UMAD1: variants seen among roughly 807,000 people sequenced by gnomAD.
UMAD1 encodes UBAP1-MVB12-associated (UMA) domain containing 1.
UMAD1 carries 8 observed loss-of-function variants against 6.1 expected under a neutral mutation model. The ratio of observed to expected loss-of-function variants is 1.30; its 90% confidence interval spans 0.76 to 2.35. The LOEUF (loss-of-function observed/expected upper bound fraction) is 2.35, where lower values mean the gene tolerates loss of function less well. Among genes scored for constraint, UMAD1 ranks in the 30% most tolerant of loss-of-function variants. The pLI is 0.00. For missense variants in UMAD1, 130 were observed against 78.4 expected, an observed-to-expected ratio of 1.66 and a Z score of -2.49; for synonymous variants, 56 against 31.4, an observed-to-expected ratio of 1.78 and a Z score of -2.61.
At chr7:7,752,502 G>T (rs1781697166) in intron 2 of UMAD1, among the ~76,000 whole-genome samples, 1 of 151,956 alleles carries the variant, frequency 6.6e-6, no homozygotes, top group Non-Finnish European at 1.5e-5. Context: ...CTGAAATTTT[G>T]CAACTCATAA....
chr7:7,827,683 A>G (rs1783374956), intron 3 of UMAD1, among the ~76,000 whole-genome samples: 1 of 152,200 alleles, frequency 6.6e-6, no homozygotes, highest in South Asian at 2.1e-4. Context: ...TCATTATTTA[A>G]TAGTAAACAA....
chr7:7,779,443 A>C (rs1452862691), intron 2 of UMAD1, among the ~76,000 whole-genome samples: 4 of 151,744 alleles, frequency 2.6e-5, no homozygotes, highest in Non-Finnish European at 4.4e-5. Flanking sequence ...TTAACAACAA[A>C]AAAAGTTTCT....
chr7:7,702,929 T>C (rs1431810856), intron 2 of UMAD1, among the ~76,000 whole-genome samples: 1 of 152,262 alleles, frequency 6.6e-6, no homozygotes, highest in Non-Finnish European at 1.5e-5. Context: ...GAAAATCATT[T>C]ATTTTTCACT....
intron 1 of UMAD1, among the ~76,000 whole-genome samples, chr7:7,654,794 C>A (rs1785302928): frequency 6.6e-6 from 1 of 151,598 alleles, no homozygotes; most frequent in African/African-American, 2.4e-5. Context: ...ATCCCAGCTA[C>A]TCTGGAGGCT....
intron 1 of UMAD1, among the ~76,000 whole-genome samples, chr7:7,662,913 A>G (rs1442471345): frequency 7.2e-5 from 11 of 152,244 alleles, no homozygotes; most frequent in Admixed American, 3.3e-4. Context: ...GCTAGAAACT[A>G]TGTCCTTTAT....
At chr7:7,653,100 G>A (rs1342551988) in intron 1 of UMAD1, among the ~76,000 whole-genome samples, 2 of 152,150 alleles carry the variant, frequency 1.3e-5, no homozygotes, top group Non-Finnish European at 2.9e-5. Context: ...TGTTTTATGT[G>A]GAGAGATGCT....
intron 2 of UMAD1, among the ~76,000 whole-genome samples, chr7:7,696,579 T>C (rs1213469458): frequency 6.6e-6 from 1 of 152,150 alleles, no homozygotes; most frequent in Non-Finnish European, 1.5e-5. Flanking sequence ...TATTAACCAG[T>C]GTCAACTGTC....
intron 3 of UMAD1, among the ~76,000 whole-genome samples, chr7:7,853,685 G>C (rs1418121219): frequency 1.3e-5 from 2 of 151,938 alleles, no homozygotes; most frequent in Non-Finnish European, 2.9e-5. Flanking sequence ...GAACTTATTT[G>C]TTCCAATAGT....
intron 3 of UMAD1, among the ~76,000 whole-genome samples, chr7:7,849,396 G>A (rs1296546803): frequency 6.6e-6 from 1 of 152,148 alleles, no homozygotes; most frequent in Non-Finnish European, 1.5e-5. Flanking sequence ...GTGTCCTGCA[G>A]TTCAACACAG....
intron 1 of UMAD1, among the ~76,000 whole-genome samples, chr7:7,668,484 A>T (rs1005747762): frequency 5.3e-5 from 8 of 152,172 alleles, no homozygotes; most frequent in Non-Finnish European, 1.2e-4. Flanking sequence ...AGTTATTGCT[A>T]ATCTCTTAGT....
chr7:7,644,376 G>T (rs1785048781), intron 1 of UMAD1, among the ~76,000 whole-genome samples: 1 of 143,164 alleles, frequency 7.0e-6, no homozygotes, highest in Non-Finnish European at 1.5e-5. Flanking sequence ...TTATTAGGAA[G>T]ACCTCTTTTA....
Position 7,822,575 on chromosome 7 carries a change from C to T in UMAD1, c.156+20832C>T, listed in dbSNP as rs1783261818. On this transcript the variant is annotated intron_variant, in intron 3 of 3. Coordinates refer to ENST00000682710, the MANE Select transcript of UMAD1 (RefSeq NM_001302348.2). Reference sequence around the variant, plus strand: ...CTATATCCCACCAGCACACAGACCACTTGGTATCTGCCCTGTAAGTAGCTC... The same window carrying T: ...CTATATCCCACCAGCACACAGACCATTTGGTATCTGCCCTGTAAGTAGCTC... 3.3e-5 allele frequency among the ~76,000 whole-genome samples: 5 copies of T among 152,112 alleles called. 1 individual carries two copies. The highest frequency in any genetic ancestry group is 2.6e-4 in the Admixed American group (4 of 15,260).
intron 3 of UMAD1, among the ~76,000 whole-genome samples, chr7:7,847,991 A>G (rs1783842937): frequency 6.6e-6 from 1 of 152,214 alleles, no homozygotes; most frequent in African/African-American, 2.4e-5. Flanking sequence ...TATCGAACCA[A>G]TATGAATTAA....
chr7:7,871,334 T>C (rs933985913), intron 3 of UMAD1, among the ~76,000 whole-genome samples: 2 of 152,234 alleles, frequency 1.3e-5, no homozygotes, highest in Non-Finnish European at 2.9e-5. Flanking sequence ...ATTCAGTCAA[T>C]CATTCTATCC....
chr7:7,718,370 T>C (rs1780970296), intron 2 of UMAD1: 1 of 152,210 alleles, frequency 6.6e-6, no homozygotes, highest in African/African-American at 2.4e-5. Context: ...TACCACCATA[T>C]TCCCAGCACT....
rs1177838414 is a variant in UMAD1 at position 7,847,097 on chromosome 7, AAAAAAAAATATATAT to A, written c.157-30182_157-30168del. ...AAAAAGACAGCAATGCAAAAAAAAA[AAAAAAAAATATATAT>A]ATATATATATATATATATATATATA... On this transcript the variant is annotated intron_variant, in intron 3 of 3. Coordinates refer to ENST00000682710, the MANE Select transcript of UMAD1 (RefSeq NM_001302348.2). 9.0e-4 allele frequency among the ~76,000 whole-genome samples: 44 copies of A among 48,856 alleles called. 3 individuals carry two copies. The highest frequency in any genetic ancestry group is 1.3e-3 in the Non-Finnish European group (39 of 29,838). 32.1% of individuals were successfully genotyped at this position (48,856 alleles called of 152,430 possible). A position where few individuals can be genotyped will look rare whatever the true frequency, so the allele number is the denominator to read the frequency against.
At chr7:7,694,134 A>C (rs1323333983) in intron 2 of UMAD1, among the ~76,000 whole-genome samples, 6 of 152,180 alleles carry the variant, frequency 3.9e-5, no homozygotes, top group African/African-American at 1.4e-4. Flanking sequence ...TGTGTGAGTC[A>C]TATTTGAGCA....
At chr7:7,659,148 A>T (rs570730526) in intron 1 of UMAD1, among the ~76,000 whole-genome samples, 39 of 152,124 alleles carry the variant, frequency 2.6e-4, no homozygotes, top group African/African-American at 8.7e-4. Flanking sequence ...ATCAATGGTG[A>T]TATCCCCTTT....
intron 3 of UMAD1, among the ~76,000 whole-genome samples, chr7:7,837,038 T>C (rs1025351775): frequency 6.6e-6 from 1 of 151,180 alleles, no homozygotes; most frequent in Admixed American, 6.6e-5. Context: ...ATTAGACATA[T>C]AATAGTGACT....
Sources: gnomAD v4.1 joint callset for allele counts (sites outside exome capture counted in the v4.1 genomes callset) on GRCh38, gnomAD v4.1.1 for gene constraint, MANE v1.5 for transcripts, NCBI Gene and HGNC (gene_info 2026-07-23, HGNC 2026-07-21) for gene names.